KLHL7: variants seen among roughly 807,000 people sequenced by gnomAD.
KLHL7 encodes kelch-like protein 7.
KLHL7 carries 44 observed loss-of-function variants against 67.4 expected under a neutral mutation model. The observed-to-expected ratio is 0.65, with a 90% confidence interval of 0.51 to 0.84. KLHL7 has a LOEUF of 0.84. Ranked by LOEUF, KLHL7 falls within the 40% of genes least tolerant of loss-of-function variation. The pLI, the probability that KLHL7 is intolerant of heterozygous loss-of-function variation, is 0.00. For missense variants in KLHL7, 362 were observed against 718.1 expected (o/e 0.50, Z 5.67); for synonymous variants, 252 against 243.3 (o/e 1.04, Z -0.33).
intron 7 of KLHL7, among the ~76,000 whole-genome samples, chr7:23,154,633 A>AT (rs1241657935): frequency 1.3e-5 from 2 of 152,188 alleles, no homozygotes; most frequent in African/African-American, 4.8e-5. Flanking sequence ...GGAAGGTGAG[A>AT]TGGTCCAGGA....
intron 1 of KLHL7, among the ~76,000 whole-genome samples, chr7:23,121,179 A>G (rs566929778): frequency 3.9e-5 from 6 of 152,320 alleles, no homozygotes; most frequent in Middle Eastern, 3.4e-3. Context: ...ATTCTTTGCT[A>G]TGGCTGAATA....
At chr7:23,164,643 G>T (rs1784947135) in intron 7 of KLHL7, among the ~76,000 whole-genome samples, 1 of 152,112 alleles carries the variant, frequency 6.6e-6, no homozygotes, top group African/African-American at 2.4e-5. Flanking sequence ...CTATTTTCCT[G>T]GTCACCTAAA....
At chr7:23,164,050 C>T (rs1313419233) in intron 7 of KLHL7, among the ~76,000 whole-genome samples, 1 of 152,164 alleles carries the variant, frequency 6.6e-6, no homozygotes, top group Non-Finnish European at 1.5e-5. Flanking sequence ...ATAAATAGCA[C>T]TGCCTTCACC....
intron 1 of KLHL7, chr7:23,118,038 T>A (rs1055102243): frequency 5.6e-5 from 87 of 1,543,954 alleles, no homozygotes; most frequent in Admixed American, 1.2e-4. Flanking sequence ...GCATGCCTCT[T>A]ACTAATGACA....
At chr7:23,139,821 A>C (rs1784114385) in intron 4 of KLHL7, among the ~76,000 whole-genome samples, 2 of 152,196 alleles carry the variant, frequency 1.3e-5, no homozygotes, top group Non-Finnish European at 2.9e-5. Context: ...CAGAAAAGTA[A>C]ATATTTTAGG....
At position 23,174,333 on chromosome 7, in the gene KLHL7, A is replaced by C; in HGVS notation, c.*35A>C. The C allele has an allele frequency of 6.2e-7, 1 of 1,607,896 alleles. No homozygotes were observed. Reference sequence around the variant, plus strand: ...GGACTTCAGACTCATCAGAGACTCTAAAATATAGCCACCAGTGCTTTGTTC... The same window carrying C: ...GGACTTCAGACTCATCAGAGACTCTCAAATATAGCCACCAGTGCTTTGTTC... On this transcript the variant is annotated 3_prime_UTR_variant, in exon 11 of 11. Coordinates refer to ENST00000339077, the MANE Select transcript of KLHL7 (RefSeq NM_001031710.3).
At chr7:23,121,572 A>G (rs1325327171) in intron 1 of KLHL7, among the ~76,000 whole-genome samples, 1 of 150,430 alleles carries the variant, frequency 6.6e-6, no homozygotes, top group Admixed American at 6.6e-5. Context: ...AAATGCTAGG[A>G]TTGGAGGTGT....
chr7:23,140,973 T>G (rs1784162120), intron 5 of KLHL7, 29 bp downstream of exon 5: 2 of 1,583,080 alleles, frequency 1.3e-6, no homozygotes, highest in East Asian at 4.5e-5. Flanking sequence ...CACATTTTTC[T>G]TAATAAAAAT....
At chr7:23,166,446 A>G (rs1416944078) in intron 8 of KLHL7, among the ~76,000 whole-genome samples, 3 of 152,130 alleles carry the variant, frequency 2.0e-5, no homozygotes, top group Non-Finnish European at 4.4e-5. Flanking sequence ...TAAAAACCTT[A>G]TTGGATAGTG....
rs570439449 is a variant in KLHL7, at chr7:23,122,191, T to C, written c.121-1586T>C. On this transcript the variant is annotated intron_variant, in intron 1 of 10. Transcript: ENST00000339077. ...AGTGCCTATAAAGTCATTCTACTTA[T>C]AAACTCTGTTGTTGAGTATGCCTTG... Among the ~76,000 whole-genome samples the C allele has an allele frequency of 1.8e-4, 28 of 152,326 alleles. No homozygotes were observed. The South Asian group carries it at 5.6e-3, about 30-fold the overall frequency.
At chr7:23,106,728 G>T in intron 1 of KLHL7, 1 of 992,666 alleles carries the variant, frequency 1.0e-6, no homozygotes, top group Non-Finnish European at 1.2e-6. Context: ...CTGTTATTAA[G>T]AGGAGCTCTT....
Position 23,152,109 on chromosome 7 carries a change from A to C in KLHL7, c.836A>C (p.Glu279Ala). The C allele has an allele frequency of 6.2e-7, 1 of 1,613,986 alleles. No homozygotes were observed. Among genetic ancestry groups the C allele is most frequent in the Non-Finnish European group, 8.5e-7 (1 of 1,179,868 alleles). The part of the protein sequence containing the change: ...YHLLSPEDRE[E>A]LVDGTRPRRK... ...CTACTGTCTCCAGAGGACCGAGAAG[A>C]ACTTGTAGATGGCACAAGACCTAGA... The change falls in exon 7 of 11, where the codon GAA becomes GCA. Residue 279 changes from glutamate to alanine, a missense_variant. By Grantham distance (107) the Glu-to-Ala change is moderately radical. Coordinates refer to ENST00000339077, the MANE Select transcript of KLHL7 (RefSeq NM_001031710.3).
intron 1 of KLHL7, among the ~76,000 whole-genome samples, chr7:23,121,969 G>A (rs564641773): frequency 1.8e-4 from 27 of 152,062 alleles, no homozygotes; most frequent in African/African-American, 6.3e-4. Context: ...GGCATGAGTC[G>A]CTGCACCCGG....
Position 23,174,529 on chromosome 7 carries a change from T to C in KLHL7, c.*231T>C, listed in dbSNP as rs1016931279. ...TATCTAGCAAGAAAACTTGAAAAAG[T>C]ATAAGCATTTGTTAAAAATGTGAAT... is the stretch of plus-strand genomic sequence containing the variant. On this transcript the variant is annotated 3_prime_UTR_variant, in exon 11 of 11. Transcript: ENST00000339077. The C allele has an allele frequency of 3.1e-6, 2 of 653,932 alleles. No individual in the cohort carries two copies. Among genetic ancestry groups the C allele is most frequent in the South Asian group, 1.5e-5 (1 of 66,332 alleles). 40.5% of individuals were successfully genotyped at this position (653,932 alleles called of 1,614,324 possible).
chr7:23,118,889 C>T (rs539008555), intron 1 of KLHL7, among the ~76,000 whole-genome samples: 63 of 151,954 alleles, frequency 4.1e-4, no homozygotes, highest in African/African-American at 1.4e-3. Flanking sequence ...CTGGGCAACA[C>T]AGTGAGACCT....
intron 5 of KLHL7, among the ~76,000 whole-genome samples, chr7:23,142,174 G>A (rs996420876): frequency 1.3e-5 from 2 of 152,158 alleles, no homozygotes; most frequent in Non-Finnish European, 2.9e-5. Flanking sequence ...GATTACAGAT[G>A]TGAGCCACCA....
At chr7:23,111,749 G>C (rs1353102064) in intron 1 of KLHL7, among the ~76,000 whole-genome samples, 2 of 149,710 alleles carry the variant, frequency 1.3e-5, no homozygotes, top group African/African-American at 4.9e-5. Flanking sequence ...TTGAACCCGG[G>C]AGGCAGAGGT....
Position 23,167,894 on chromosome 7 carries a change from A to G in KLHL7, c.1236A>G (p.Thr412=). 6.2e-7 allele frequency: 1 copy of G among 1,614,220 alleles called. No individual in the cohort carries two copies. The highest frequency in any genetic ancestry group is 8.5e-7 in the Non-Finnish European group (1 of 1,180,038). ...CYDTRTESWH[T]KPSMLTQRCS... is the part of the protein sequence containing the mutation. ...ATACGAGAACTGAAAGCTGGCACAC[A>G]AAGCCCAGCATGCTGACCCAGCGCT... Residue 412 remains threonine (T), a synonymous_variant, in exon 9 of 11, where the codon ACA becomes ACG. Coordinates refer to ENST00000339077, the MANE Select transcript of KLHL7 (RefSeq NM_001031710.3).
At chr7:23,149,414 C>T (rs1180178538) in intron 6 of KLHL7, among the ~76,000 whole-genome samples, 1 of 152,194 alleles carries the variant, frequency 6.6e-6, no homozygotes, top group African/African-American at 2.4e-5. Context: ...AAACAGTTCC[C>T]TCTTGTCTCT....
Sources: gnomAD v4.1 joint callset for allele counts (sites outside exome capture counted in the v4.1 genomes callset) on GRCh38, gnomAD v4.1.1 for gene constraint, MANE v1.5 for transcripts, NCBI Gene and HGNC (gene_info 2026-07-23, HGNC 2026-07-21) for gene names.